The following PARD6G variants were observed in gnomAD, a reference collection of about 807,000 sequenced individuals.
The protein encoded by PARD6G is par-6 family cell polarity regulator gamma.
PARD6G carries 7 observed loss-of-function variants against 10.7 expected under a neutral mutation model. The ratio of observed to expected loss-of-function variants is 0.66; its 90% CI spans 0.37 to 1.23. PARD6G has a LOEUF of 1.23. PARD6G is among the 50% of genes most tolerant of loss of function. The pLI is 0.02. For synonymous variants in PARD6G, 287 were observed against 269.4 expected (o/e 1.07, Z -0.64); for missense variants, 548 against 571.8 (o/e 0.96, Z 0.42).
intron 1 of PARD6G, among the ~76,000 whole-genome samples, chr18:80,239,460 A>AC (rs1034226877): frequency 6.6e-6 from 1 of 151,806 alleles, no homozygotes; most frequent in African/African-American, 2.4e-5. Context: ...AAAAATTACC[A>AC]AAAAAAAATC....
intron 1 of PARD6G, among the ~76,000 whole-genome samples, chr18:80,204,117 C>T (rs1199710340): frequency 2.0e-5 from 3 of 152,154 alleles, no homozygotes; most frequent in Admixed American, 1.3e-4. Context: ...CCAAGGGTTC[C>T]GGCTCCTGTC....
intron 1 of PARD6G, among the ~76,000 whole-genome samples, chr18:80,203,240 G>C (rs1967025909): frequency 6.6e-6 from 1 of 152,158 alleles, no homozygotes; most frequent in Non-Finnish European, 1.5e-5. Flanking sequence ...TTGCTACAGA[G>C]GCTGATGAAT....
At chr18:80,222,464 T>C (rs770295628) in intron 1 of PARD6G, among the ~76,000 whole-genome samples, 1 of 152,196 alleles carries the variant, frequency 6.6e-6, no homozygotes, top group Non-Finnish European at 1.5e-5. Context: ...ATCAGAATCT[T>C]AGCTGTATCT....
At position 80,201,901 on chromosome 18, in the gene PARD6G, T is replaced by C. The variant is rs1441725664; in HGVS notation, c.295+809A>G. On this transcript the variant is annotated intron_variant, in intron 2 of 2. Transcript: ENST00000353265. The surrounding 1 kb of genome is among the most constrained non-coding windows in gnomAD (Gnocchi z 5.9). The stretch of plus-strand genomic sequence containing the variant: ...AGCCTTTCCTCCGGGAAACCTCTCC[T>C]AGCTGTCCCAGAGACTCTGGCAGCA... The C allele has an allele frequency of 2.6e-5, 4 of 152,232 alleles. No homozygotes were observed. Among genetic ancestry groups the C allele is most frequent in the Non-Finnish European group, 4.4e-5 (3 of 68,066 alleles). The allele number at this position is 152,232 out of a possible 1,614,324, so 9.4% of individuals were successfully genotyped here.
At chr18:80,178,810 C>T (rs2052831376) in intron 2 of PARD6G, among the ~76,000 whole-genome samples, 1 of 133,600 alleles carries the variant, frequency 7.5e-6, no homozygotes, top group African/African-American at 2.5e-5. Flanking sequence ...GCAAGGTCCC[C>T]TCCTTTGCCC....
At chr18:80,222,698 G>C (rs528310339) in intron 1 of PARD6G, among the ~76,000 whole-genome samples, 16 of 151,808 alleles carry the variant, frequency 1.1e-4, no homozygotes, top group Non-Finnish European at 2.4e-4. Flanking sequence ...TTTTAAGACA[G>C]GGTCTTGCTC....
At position 80,246,204 on chromosome 18, in the gene PARD6G, G is replaced by A. The variant is rs949953744; in HGVS notation, c.72+1073C>T. On this transcript the variant is annotated intron_variant, in intron 1 of 2. Coordinates refer to ENST00000353265, the MANE Select transcript of PARD6G (RefSeq NM_032510.4). The surrounding 1 kb of genome is among the most constrained non-coding windows in gnomAD (Gnocchi z 6.7). ...ACAACTCTGAGAACCGGGGTGCGAA[G>A]AAAGAAAGGGCGAAAGGGCCGCTCA... 2.0e-5 allele frequency among the ~76,000 whole-genome samples: 3 copies of A among 152,128 alleles called. No individual in the cohort carries two copies. Among genetic ancestry groups the A allele is most frequent in the African/African-American group, 4.8e-5 (2 of 41,426 alleles).
At chr18:80,220,732 T>TG (rs995119564) in intron 1 of PARD6G, among the ~76,000 whole-genome samples, 1 of 152,024 alleles carries the variant, frequency 6.6e-6, no homozygotes, top group African/African-American at 2.4e-5. Flanking sequence ...TGCCTCAGCC[T>TG]CCCAAGTAGC....
At chr18:80,229,616 T>C (rs1476344632) in intron 1 of PARD6G, among the ~76,000 whole-genome samples, 1 of 152,202 alleles carries the variant, frequency 6.6e-6, no homozygotes, top group Non-Finnish European at 1.5e-5. Flanking sequence ...CATGTGCACA[T>C]TAAAGGTTGC....
At chr18:80,187,833 G>C (rs1011575408) in intron 2 of PARD6G, 1 of 152,242 alleles carries the variant, frequency 6.6e-6, no homozygotes, top group African/African-American at 2.4e-5. Flanking sequence ...CAACCTGGAG[G>C]ATGTAGCTCA....
Position 80,181,442 on chromosome 18 carries a change from C to T in PARD6G, c.296-20836G>A, listed in dbSNP as rs986399668. Among the ~76,000 whole-genome samples the T allele has an allele frequency of 6.6e-6, 1 of 152,206 alleles. No homozygotes were observed. Among genetic ancestry groups the T allele is most frequent in the Admixed American group, 6.5e-5 (1 of 15,284 alleles). On this transcript the variant is annotated intron_variant, in intron 2 of 2. Transcript: ENST00000353265. The surrounding 1 kb of genome is among the most constrained non-coding windows in gnomAD (Gnocchi z 7.9). Reference sequence around the variant, plus strand: ...ACCCAGGTCACCAGGGACACGGTGACATGCCGCTGTGAGCCCTCAAGAAGG... The same window carrying T: ...ACCCAGGTCACCAGGGACACGGTGATATGCCGCTGTGAGCCCTCAAGAAGG...
chr18:80,158,153 G>A lies in PARD6G; in HGVS notation c.*1618C>T, dbSNP rs940647765. ...AACGTTGCTGGAAGATCAACATAAAGTGAGGATGAATTTAGTATTTGTTAA... is the reference window on the plus strand; with the variant it reads ...AACGTTGCTGGAAGATCAACATAAAATGAGGATGAATTTAGTATTTGTTAA... On this transcript the variant is annotated 3_prime_UTR_variant, in exon 3 of 3. Coordinates refer to ENST00000353265, the MANE Select transcript of PARD6G (RefSeq NM_032510.4). 5.9e-5 allele frequency: 9 copies of A among 152,174 alleles called. No homozygotes were observed. The highest frequency in any genetic ancestry group is 5.2e-4 in the Admixed American group (8 of 15,286). The allele number at this position is 152,174 out of a possible 1,614,324, so 9.4% of individuals were successfully genotyped here.
intron 1 of PARD6G, among the ~76,000 whole-genome samples, chr18:80,235,436 A>G (rs1967409903): frequency 1.3e-5 from 2 of 152,206 alleles, no homozygotes; most frequent in Admixed American, 6.5e-5. Flanking sequence ...CCCTAACATC[A>G]CAATTAAAAG....
chr18:80,173,245 A>G (rs932644425), intron 2 of PARD6G, among the ~76,000 whole-genome samples: 1 of 152,166 alleles, frequency 6.6e-6, no homozygotes, highest in African/African-American at 2.4e-5. Context: ...GGGGCTATGG[A>G]AAAAGTTTGT....
In PARD6G at chr18:80,201,156, G is replaced by A. The variant is rs1170143534; in HGVS notation, c.295+1554C>T. On this transcript the variant is annotated intron_variant, in intron 2 of 2. Coordinates refer to ENST00000353265, the MANE Select transcript of PARD6G (RefSeq NM_032510.4). This position sits in a 1 kb window ranked among gnomAD's most constrained non-coding sequence, Gnocchi z 5.9. ...TGGGAGCAATGGACAGAGCCCAGAGGAAGCCGAGTAAGAGGACAGAGGACG... is the reference window on the plus strand; with the variant it reads ...TGGGAGCAATGGACAGAGCCCAGAGAAAGCCGAGTAAGAGGACAGAGGACG... Among the ~76,000 whole-genome samples the A allele has an allele frequency of 2.0e-5, 3 of 152,284 alleles. No homozygotes were observed. Among genetic ancestry groups the A allele is most frequent in the East Asian group, 3.9e-4 (2 of 5,178 alleles).
At chr18:80,226,758 A>T (rs969912003) in intron 1 of PARD6G, among the ~76,000 whole-genome samples, 2 of 152,156 alleles carry the variant, frequency 1.3e-5, no homozygotes, top group African/African-American at 4.8e-5. Context: ...GCAAAGAACC[A>T]GGCTGAAGAC....
chr18:80,234,076 C>T (rs1480527623), intron 1 of PARD6G, among the ~76,000 whole-genome samples: 6 of 152,200 alleles, frequency 3.9e-5, no homozygotes, highest in Non-Finnish European at 7.3e-5. Context: ...GTGTCCACAG[C>T]TCACCATGAG....
intron 1 of PARD6G, among the ~76,000 whole-genome samples, chr18:80,233,326 C>A (rs1175101720): frequency 6.6e-6 from 1 of 152,290 alleles, no homozygotes; most frequent in East Asian, 1.9e-4. Flanking sequence ...CTGGAACCGG[C>A]GGGTCTCACA....
In PARD6G at chr18:80,246,796, G is replaced by C. The variant is rs1043881569; in HGVS notation, c.72+481C>G. Among the ~76,000 whole-genome samples, 1 of 151,962 alleles carries C rather than the reference G, an allele frequency of 6.6e-6. No homozygotes were observed. Among genetic ancestry groups the C allele is most frequent in the Admixed American group, 6.5e-5 (1 of 15,280 alleles). On this transcript the variant is annotated intron_variant, in intron 1 of 2. Transcript: ENST00000353265. The surrounding 1 kb of genome is among the most constrained non-coding windows in gnomAD (Gnocchi z 6.7). Reference sequence around the variant, plus strand: ...GGGGGACGCCGGGCTCGGAGCCGGCGGCAAGTCTCCTCCTGGCAGGTAACA... The same window carrying C: ...GGGGGACGCCGGGCTCGGAGCCGGCCGCAAGTCTCCTCCTGGCAGGTAACA...
Sources: gnomAD v4.1 joint callset for allele counts (sites outside exome capture counted in the v4.1 genomes callset) on GRCh38, gnomAD v4.1.1 for gene constraint, Gnocchi (gnomAD v3.1) non-coding constraint, MANE v1.5 for transcripts, NCBI Gene and HGNC (gene_info 2026-07-23, HGNC 2026-07-21) for gene names.